AGBL4: variants seen among roughly 807,000 people sequenced by gnomAD.
AGBL4 encodes the protein AGBL carboxypeptidase 4.
AGBL4 carries 58 observed loss-of-function variants against 66.4 expected under a neutral mutation model. The ratio of observed to expected loss-of-function variants is 0.87; its 90% CI spans 0.71 to 1.09. The LOEUF (loss-of-function observed/expected upper bound fraction) is 1.09. AGBL4 is among the 50% of genes least tolerant of loss of function. AGBL4 has a pLI of 0.00. For missense variants in AGBL4, 579 were observed against 631.0 expected, an observed-to-expected ratio of 0.92 and a Z score of 0.88; for synonymous variants, 234 against 222.9, an observed-to-expected ratio of 1.05 and a Z score of -0.44.
chr1:48,638,237 G>A lies in AGBL4; in HGVS notation c.840-3633C>T, dbSNP rs538814394. Reference sequence around the variant, plus strand: ...AGTTACTTCCTCCATCCTTCTCAGCGTTGCCCCACGGAGTTGCACAGAACA... The same window carrying A: ...AGTTACTTCCTCCATCCTTCTCAGCATTGCCCCACGGAGTTGCACAGAACA... On this transcript the variant is annotated intron_variant, in intron 8 of 13. Coordinates refer to ENST00000371839, the MANE Select transcript of AGBL4 (RefSeq NM_032785.4). Among the ~76,000 whole-genome samples, 471 of 152,236 alleles carry A rather than the reference G, an allele frequency of 3.1e-3. 3 individuals carry two copies. The highest frequency in any genetic ancestry group is 0.01 in the African/African-American group (432 of 41,528).
intron 5 of AGBL4, among the ~76,000 whole-genome samples, chr1:48,873,921 G>A (rs1056332901): frequency 2.6e-5 from 4 of 152,086 alleles, no homozygotes; most frequent in African/African-American, 4.8e-5. Context: ...GAGAAGGGAC[G>A]TGTTGTTCTG....
At chr1:48,947,511 C>T (rs545809794) in intron 5 of AGBL4, among the ~76,000 whole-genome samples, 8 of 152,306 alleles carry the variant, frequency 5.3e-5, no homozygotes, top group Middle Eastern at 6.8e-3. Context: ...TCTACAATGC[C>T]TCTGAGGCTA....
intron 5 of AGBL4, among the ~76,000 whole-genome samples, chr1:49,037,986 A>G (rs1664798955): frequency 6.6e-6 from 1 of 152,120 alleles, no homozygotes; most frequent in South Asian, 2.1e-4. Flanking sequence ...CATCTTAAAA[A>G]TGCAAATGGG....
intron 12 of AGBL4, among the ~76,000 whole-genome samples, chr1:48,538,787 C>T (rs535657036): frequency 6.6e-6 from 1 of 152,200 alleles, no homozygotes; most frequent in Non-Finnish European, 1.5e-5. Context: ...AGTGCAAAGG[C>T]CCTGAGGCAC....
At chr1:48,631,824 G>A (rs1315588108) in intron 9 of AGBL4, among the ~76,000 whole-genome samples, 1 of 152,104 alleles carries the variant, frequency 6.6e-6, no homozygotes, top group Non-Finnish European at 1.5e-5. Context: ...TGTTTAGTTA[G>A]TTCTAAACAG....
chr1:48,530,715 G>A (rs1325645528), downstream of AGBL4, among the ~76,000 whole-genome samples: 1 of 152,178 alleles, frequency 6.6e-6, no homozygotes, highest in African/African-American at 2.4e-5. Flanking sequence ...CTGATACAGA[G>A]CAAAACTAGC....
intron 4 of AGBL4, among the ~76,000 whole-genome samples, chr1:49,210,690 A>G (rs1002593912): frequency 6.6e-6 from 1 of 151,984 alleles, no homozygotes; most frequent in African/African-American, 2.4e-5. Flanking sequence ...AAAAAGTCAT[A>G]TTGTTTGGCT....
intron 2 of AGBL4, among the ~76,000 whole-genome samples, chr1:49,737,231 C>A (rs1368583840): frequency 6.6e-6 from 1 of 152,130 alleles, no homozygotes; most frequent in Non-Finnish European, 1.5e-5. Flanking sequence ...GAAACATGCA[C>A]TTATATGCTT....
chr1:48,591,706 G>A (rs1002286276), intron 9 of AGBL4, among the ~76,000 whole-genome samples: 1 of 152,146 alleles, frequency 6.6e-6, no homozygotes, highest in African/African-American at 2.4e-5. Context: ...TTAGCCTTGT[G>A]TCATGATGCC....
chr1:49,313,087 A>G (rs1041003212), intron 3 of AGBL4, among the ~76,000 whole-genome samples: 3 of 151,388 alleles, frequency 2.0e-5, no homozygotes, highest in Non-Finnish European at 2.9e-5. Context: ...ATGTGTTCTC[A>G]TTGTTCAACT....
intron 2 of AGBL4, among the ~76,000 whole-genome samples, chr1:49,836,554 C>T (rs1038187410): frequency 6.6e-6 from 1 of 152,050 alleles, no homozygotes; most frequent in Non-Finnish European, 1.5e-5. Flanking sequence ...TTATTATTAC[C>T]CACCTTCTGA....
intron 4 of AGBL4, among the ~76,000 whole-genome samples, chr1:49,052,718 T>C (rs1371610339): frequency 1.3e-5 from 2 of 152,190 alleles, no homozygotes; most frequent in Non-Finnish European, 2.9e-5. Flanking sequence ...ACAATAATCA[T>C]TCAGGCTGTG....
In AGBL4 at chr1:49,185,144, G is replaced by A. The variant is rs116176066; in HGVS notation, c.377+60626C>T. ...TGTGACAGAACTGGGAACCAAACCC[G>A]GGTTTTCTTAGTCCATATTGTGTTC... On this transcript the variant is annotated intron_variant, in intron 4 of 13. Coordinates refer to ENST00000371839, the MANE Select transcript of AGBL4 (RefSeq NM_032785.4). Among the ~76,000 whole-genome samples the A allele has an allele frequency of 1.9e-3, 293 of 152,238 alleles. 3 individuals carry two copies. The highest frequency in any genetic ancestry group is 6.7e-3 in the African/African-American group (277 of 41,526).
intron 3 of AGBL4, among the ~76,000 whole-genome samples, chr1:49,421,194 T>A (rs1408053223): frequency 6.6e-6 from 1 of 152,186 alleles, no homozygotes; most frequent in Non-Finnish European, 1.5e-5. Context: ...AACCAGAGCA[T>A]AAAATGAATG....
chr1:49,977,510 C>A (rs79999523), intron 1 of AGBL4, among the ~76,000 whole-genome samples: 1 of 152,204 alleles, frequency 6.6e-6, no homozygotes, highest in African/African-American at 2.4e-5. Flanking sequence ...ACTGAAGGAC[C>A]AGACGGTATG....
At chr1:49,823,686 A>G (rs1455720319) in intron 2 of AGBL4, among the ~76,000 whole-genome samples, 2 of 152,254 alleles carry the variant, frequency 1.3e-5, no homozygotes, top group East Asian at 3.9e-4. Flanking sequence ...AAGCAGCCAT[A>G]GAGAACTAAG....
chr1:48,904,008 G>A (rs1652341613), intron 5 of AGBL4, among the ~76,000 whole-genome samples: 1 of 152,174 alleles, frequency 6.6e-6, no homozygotes, highest in Admixed American at 6.5e-5. Context: ...GCCAGGCATG[G>A]TGGCTCACAG....
At chr1:48,990,482 T>C (rs1660519993) in intron 5 of AGBL4, among the ~76,000 whole-genome samples, 1 of 152,134 alleles carries the variant, frequency 6.6e-6, no homozygotes, top group African/African-American at 2.4e-5. Context: ...CCTGGAGAGG[T>C]TCCCCAATAT....
intron 5 of AGBL4, among the ~76,000 whole-genome samples, chr1:48,961,106 T>TGTGTGC (rs935435997): frequency 5.3e-5 from 8 of 151,356 alleles, no homozygotes; most frequent in African/African-American, 2.0e-4. Flanking sequence ...TGTGTGTGTG[T>TGTGTGC]GCGTGTATGT....
Sources: allele counts gnomAD v4.1 joint callset (sites outside exome capture counted in the v4.1 genomes callset), GRCh38; gene constraint gnomAD v4.1.1; transcripts MANE v1.5; gene names NCBI Gene and HGNC (gene_info 2026-07-23, HGNC 2026-07-21).